The following SCAI variants were observed in gnomAD, a reference collection of about 807,000 sequenced individuals.
The protein encoded by SCAI is suppressor of cancer cell invasion.
In SCAI, 24 loss-of-function variants were observed where a neutral mutation model predicts 92.2. The observed-to-expected ratio is 0.26, with a 90% CI of 0.19 to 0.37. The LOEUF (loss-of-function observed/expected upper bound fraction) is 0.37. Among genes scored for constraint, SCAI ranks in the 10% least tolerant of loss-of-function variants. SCAI has a pLI of 1.00. For synonymous variants in SCAI, 261 were observed against 258.6 expected (o/e 1.01, Z -0.09); for missense variants, 450 against 736.2 (o/e 0.61, Z 4.50).
chr9:124,963,624 C>A (rs1019028976), intron 17 of SCAI, among the ~76,000 whole-genome samples: 1 of 151,522 alleles, frequency 6.6e-6, no homozygotes, highest in Non-Finnish European at 1.5e-5. Flanking sequence ...GTGGAACATG[C>A]CTGTAATCCC....
rs186476309 is a variant in SCAI at position 125,078,286 on chromosome 9, G to T, written c.99-22279C>A. On this transcript the variant is annotated intron_variant, in intron 2 of 17. Transcript: ENST00000336505. ...TCACATCTGTAATCCCAGCACTTTG[G>T]AAGGCCGAGGTAAGCGGATCACCTA... 1.4e-3 allele frequency among the ~76,000 whole-genome samples: 214 copies of T among 152,200 alleles called. 3 individuals carry two copies. Among genetic ancestry groups the T allele is most frequent in the African/African-American group, 5.0e-3 (207 of 41,532 alleles).
chr9:125,087,610 A>G (rs1295008015), intron 2 of SCAI, among the ~76,000 whole-genome samples: 1 of 152,258 alleles, frequency 6.6e-6, no homozygotes, highest in Non-Finnish European at 1.5e-5. Context: ...CTAGAAAAAT[A>G]ATTAGAAAAA....
At position 124,999,493 on chromosome 9, in the gene SCAI, C is replaced by T. The variant is rs1026313412; in HGVS notation, c.1244+398G>A. ...ATCACTTAAGGCCAGGAAATCAAGA[C>T]TGACCTGAGTGACAGAGGAAGACTC... On this transcript the variant is annotated intron_variant, in intron 13 of 17. Coordinates refer to ENST00000336505, the MANE Select transcript of SCAI (RefSeq NM_001144877.3). Among the ~76,000 whole-genome samples the T allele has an allele frequency of 9.9e-5, 15 of 152,012 alleles. 1 individual carries two copies. Among genetic ancestry groups the T allele is most frequent in the Admixed American group, 3.9e-4 (6 of 15,226 alleles).
Position 125,001,946 on chromosome 9 carries a change from G to T in SCAI, c.1144+19C>A, listed in dbSNP as rs772993118. ...GAATTCAAGCCCTGCTCACAACAGG[G>T]AGCATTCCTTTATTGTACCTTCACT... On this transcript the variant is annotated intron_variant, in intron 12 of 17. Coordinates refer to ENST00000336505, the MANE Select transcript of SCAI (RefSeq NM_001144877.3). The T allele has an allele frequency of 8.4e-6, 13 of 1,556,736 alleles. No individual in the cohort carries two copies. In the South Asian group the frequency reaches 1.3e-4, roughly 16 times the overall value.
At chr9:125,065,630 A>G (rs1264063622) in intron 2 of SCAI, among the ~76,000 whole-genome samples, 1 of 152,228 alleles carries the variant, frequency 6.6e-6, no homozygotes, top group Non-Finnish European at 1.5e-5. Flanking sequence ...CAGGGATATT[A>G]TAAGAAAGCA....
At chr9:124,962,175 G>GC (rs1344696077) in intron 17 of SCAI, among the ~76,000 whole-genome samples, 1 of 144,158 alleles carries the variant, frequency 6.9e-6, no homozygotes. Context: ...TTTTTTGCGG[G>GC]GGGGGATGGA....
chr9:124,957,815 T>C (rs1202820817), intron 17 of SCAI, among the ~76,000 whole-genome samples: 5 of 152,002 alleles, frequency 3.3e-5, no homozygotes, highest in Admixed American at 2.0e-4. Flanking sequence ...CCCAAGTAGC[T>C]GGGATTACAG....
chr9:125,109,693 G>C (rs149448600), intron 2 of SCAI, among the ~76,000 whole-genome samples: 59 of 105,110 alleles, frequency 5.6e-4, no homozygotes, highest in African/African-American at 1.8e-3. Flanking sequence ...ATCTATCTAT[G>C]TATTTATTTT....
intron 9 of SCAI, among the ~76,000 whole-genome samples, chr9:125,007,719 A>G (rs1333056107): frequency 6.6e-6 from 1 of 151,808 alleles, no homozygotes; most frequent in Non-Finnish European, 1.5e-5. Flanking sequence ...AGTGTGTGGC[A>G]CAATCATGGC....
intron 13 of SCAI, among the ~76,000 whole-genome samples, chr9:124,997,972 T>C (rs1338169286): frequency 6.6e-6 from 1 of 152,146 alleles, no homozygotes. Context: ...AAAAAAATTT[T>C]TTTTTAAGTT....
At chr9:124,966,542 GTATA>G (rs1395162360) in intron 17 of SCAI, among the ~76,000 whole-genome samples, 1 of 151,950 alleles carries the variant, frequency 6.6e-6, no homozygotes, top group Admixed American at 6.6e-5. Flanking sequence ...TAATAGATTT[GTATA>G]TATCTTATAG....
At chr9:125,015,962 T>C (rs2131065533) in intron 9 of SCAI, among the ~76,000 whole-genome samples, 1 of 137,792 alleles carries the variant, frequency 7.3e-6, no homozygotes, top group Middle Eastern at 4.2e-3. Flanking sequence ...TTCTCACTCA[T>C]AGGTGGGAAC....
chr9:125,036,693 G>GT (rs1833204571), intron 3 of SCAI, among the ~76,000 whole-genome samples: 1 of 152,200 alleles, frequency 6.6e-6, no homozygotes, highest in African/African-American at 2.4e-5. Flanking sequence ...TATGTATAGA[G>GT]TAAGTCTCCT....
intron 7 of SCAI, among the ~76,000 whole-genome samples, chr9:125,020,184 A>G (rs1165607478): frequency 1.3e-5 from 2 of 152,194 alleles, no homozygotes; most frequent in African/African-American, 2.4e-5. Flanking sequence ...ACAGAATGCA[A>G]TCAGAATTTA....
In SCAI at chr9:125,029,644, C is replaced by T; in HGVS notation, c.326G>A (p.Arg109Gln). The T allele has an allele frequency of 6.2e-7, 1 of 1,600,852 alleles. No individual in the cohort carries two copies. Among genetic ancestry groups the T allele is most frequent in the South Asian group, 1.1e-5 (1 of 90,060 alleles). The change falls in exon 4 of 18, where the codon CGA (arginine) becomes CAA (glutamine). Residue 109 changes from arginine (R) to glutamine (Q), a missense_variant and splice_region_variant. Physicochemically the swap from Arg to Gln is conservative, Grantham distance 43. Around this residue, in one of 3 missense-constraint regions of SCAI, gnomAD observed 20 missense variants for 68.2 expected, o/e 0.29. Transcript: ENST00000336505. ...TKLWKFQQQHRQVLDNRYGLK... is the reference protein window; with the variant it reads ...TKLWKFQQQHQQVLDNRYGLK... Reference sequence around the variant, plus strand: ...TCCTTTAACTATAAAATTCATTTACCGATGCTGCTGCTGGAACTTCCAGAG... The same window carrying T: ...TCCTTTAACTATAAAATTCATTTACTGATGCTGCTGCTGGAACTTCCAGAG...
chr9:125,106,067 A>C (rs1834772408), intron 2 of SCAI, among the ~76,000 whole-genome samples: 1 of 127,814 alleles, frequency 7.8e-6, no homozygotes, highest in Non-Finnish European at 1.6e-5. Context: ...ACTGCACTCC[A>C]ACCTGCGTGA....
intron 9 of SCAI, among the ~76,000 whole-genome samples, chr9:125,015,248 C>T (rs567183797): frequency 6.6e-6 from 1 of 152,208 alleles, no homozygotes; most frequent in East Asian, 1.9e-4. Context: ...AACAGGCAAC[C>T]TACAAGATGG....
intron 2 of SCAI, among the ~76,000 whole-genome samples, chr9:125,078,485 G>A (rs533791865): frequency 6.6e-6 from 1 of 152,188 alleles, no homozygotes; most frequent in East Asian, 1.9e-4. Flanking sequence ...CTGAGATCAC[G>A]CCACTGCACT....
chr9:124,976,719 T>C (rs1193011154), intron 14 of SCAI, among the ~76,000 whole-genome samples: 2 of 152,180 alleles, frequency 1.3e-5, no homozygotes, highest in East Asian at 1.9e-4. Context: ...CCTGAAGGTA[T>C]ATCTACAAGG....
Sources: gnomAD v4.1 joint callset for allele counts (sites outside exome capture counted in the v4.1 genomes callset) on GRCh38, gnomAD v4.1.1 for gene constraint, gnomAD v4.1.1 regional missense constraint, MANE v1.5 for transcripts, NCBI Gene and HGNC (gene_info 2026-07-23, HGNC 2026-07-21) for gene names.